Variants in ALK observed in about 807,000 individuals in gnomAD.
ALK encodes the protein ALK receptor tyrosine kinase, also known as ALK tyrosine kinase receptor.
In ALK, 74 loss-of-function variants were observed where a neutral mutation model predicts 163.1. That is an observed-to-expected ratio of 0.45 (90% CI 0.38 to 0.55). The LOEUF (loss-of-function observed/expected upper bound fraction) is 0.55. Ranked by LOEUF, ALK falls within the 20% of genes least tolerant of loss-of-function variation. The pLI is 0.00. For missense variants in ALK, 2,063 were observed against 2,105.3 expected (o/e 0.98, Z 0.39); for synonymous variants, 960 against 843.2 (o/e 1.14, Z -2.40).
intron 1 of ALK, among the ~76,000 whole-genome samples, chr2:29,773,966 G>A (rs977813325): frequency 1.3e-5 from 2 of 152,172 alleles, no homozygotes; most frequent in African/African-American, 4.8e-5. Flanking sequence ...ATTCAATGGA[G>A]AGCTAGTCTG....
At chr2:29,524,320 G>A (rs755436994) in intron 4 of ALK, among the ~76,000 whole-genome samples, 61 of 152,196 alleles carry the variant, frequency 4.0e-4, no homozygotes, top group Non-Finnish European at 7.3e-4. Context: ...AATTTCAGAG[G>A]AGTCCTCCTG....
At chr2:29,452,339 T>G (rs952927420) in intron 4 of ALK, among the ~76,000 whole-genome samples, 2 of 151,978 alleles carry the variant, frequency 1.3e-5, no homozygotes, top group East Asian at 3.9e-4. Flanking sequence ...TTTGTTTTTT[T>G]TTTTTTTTTT....
chr2:29,392,076 G>T (rs1239332916), intron 4 of ALK, among the ~76,000 whole-genome samples: 1 of 152,228 alleles, frequency 6.6e-6, no homozygotes, highest in East Asian at 1.9e-4. Context: ...CAGTGTGGCT[G>T]ATGATCTTAT....
intron 3 of ALK, among the ~76,000 whole-genome samples, chr2:29,679,762 C>T (rs1274510152): frequency 6.6e-6 from 1 of 151,784 alleles, no homozygotes. Flanking sequence ...TTTATATTAA[C>T]CCATATGTTT....
intron 1 of ALK, among the ~76,000 whole-genome samples, chr2:29,919,699 G>A (rs574089361): frequency 1.3e-5 from 2 of 152,266 alleles, no homozygotes; most frequent in African/African-American, 2.4e-5. Flanking sequence ...GAAGAGGGGC[G>A]CCCAATTTTG....
In ALK at chr2:29,232,349, T is replaced by C; in HGVS notation, c.2587A>G (p.Asn863Asp). The change falls in exon 15 of 29, where the codon AAT becomes GAT. Residue 863 changes from asparagine (N) to aspartate (D), a missense_variant. Coordinates refer to ENST00000389048, the MANE Select transcript of ALK (RefSeq NM_004304.5). ...TTTAGCCCTAGAACCGAGGAGTTAT[T>C]CTCCAGTCTCTCTGGGTGGAACGTG... ...TDTFHPERLENNSSVLGLNGN... is the reference protein window; with the variant it reads ...TDTFHPERLEDNSSVLGLNGN... 1 of 1,614,252 alleles carries C rather than the reference T, an allele frequency of 6.2e-7. No homozygotes were observed. Among genetic ancestry groups the C allele is most frequent in the Non-Finnish European group, 8.5e-7 (1 of 1,180,048 alleles).
chr2:29,831,223 GGAA>G lies in ALK; in HGVS notation c.667+88767_667+88769del, dbSNP rs1223030431. On this transcript the variant is annotated intron_variant, in intron 1 of 28. Transcript: ENST00000389048. ...GGGAAGGGGAAGAGGAAGAGGAAGA[GGAA>G]GAAGAAGAGGAAGAAGAAGAGGAAG... 7.7e-5 allele frequency among the ~76,000 whole-genome samples: 3 copies of G among 39,130 alleles called. 1 individual carries two copies. The highest frequency in any genetic ancestry group is 1.0e-4 in the Non-Finnish European group (2 of 19,472). 25.7% of individuals were successfully genotyped at this position (39,130 alleles called of 152,430 possible).
chr2:29,724,860 C>A (rs529514371), intron 1 of ALK, among the ~76,000 whole-genome samples: 26 of 152,246 alleles, frequency 1.7e-4, no homozygotes, highest in African/African-American at 6.0e-4. Flanking sequence ...AAGCCCCATC[C>A]CATCCTGCCA....
chr2:29,294,447 A>T (rs535716862), intron 9 of ALK, among the ~76,000 whole-genome samples: 1 of 152,352 alleles, frequency 6.6e-6, no homozygotes, highest in African/African-American at 2.4e-5. Flanking sequence ...TGTCATTATT[A>T]TACTATAGTT....
chr2:29,487,482 T>C (rs962669199), intron 4 of ALK, among the ~76,000 whole-genome samples: 12 of 152,204 alleles, frequency 7.9e-5, no homozygotes, highest in African/African-American at 2.7e-4. Context: ...AGGATTCTTT[T>C]TGAGTTGGTT....
At chr2:29,451,248 C>A (rs1288243521) in intron 4 of ALK, among the ~76,000 whole-genome samples, 1 of 152,146 alleles carries the variant, frequency 6.6e-6, no homozygotes, top group Admixed American at 6.5e-5. Context: ...ATTTCCCACC[C>A]TTTCTCTGCA....
At chr2:29,475,090 T>C (rs1260355181) in intron 4 of ALK, among the ~76,000 whole-genome samples, 1 of 152,036 alleles carries the variant, frequency 6.6e-6, no homozygotes, top group Non-Finnish European at 1.5e-5. Flanking sequence ...TCCCTATGAG[T>C]CTCTGAGCCC....
At chr2:29,425,235 T>G (rs926485817) in intron 4 of ALK, among the ~76,000 whole-genome samples, 1 of 152,214 alleles carries the variant, frequency 6.6e-6, no homozygotes, top group Non-Finnish European at 1.5e-5. Context: ...GACCATGACC[T>G]GCTCTCTCTT....
At chr2:29,720,092 G>A (rs540547192) in intron 1 of ALK, among the ~76,000 whole-genome samples, 32 of 152,056 alleles carry the variant, frequency 2.1e-4, no homozygotes, top group African/African-American at 7.5e-4. Flanking sequence ...CTTCTTCCTG[G>A]ATGTGAGGAA....
At chr2:29,533,416 G>A (rs1363292417) in intron 3 of ALK, among the ~76,000 whole-genome samples, 1 of 152,184 alleles carries the variant, frequency 6.6e-6, no homozygotes, top group Non-Finnish European at 1.5e-5. Flanking sequence ...TCCAGATAGG[G>A]AAATGACTTG....
In ALK at chr2:29,296,981, T is replaced by G; in HGVS notation, c.1724A>C (p.Lys575Thr). The G allele has an allele frequency of 1.9e-6, 3 of 1,614,240 alleles. No individual in the cohort carries two copies. Among genetic ancestry groups the G allele is most frequent in the Non-Finnish European group, 2.5e-6 (3 of 1,180,032 alleles). ...ATGCCAGACCATCCTGCCTTGCTCC[T>G]TCCCGGTTTTGTTCTCCACTAGCAC... ...SLVLVENKTG[K>T]EQGRMVWHVA... Residue 575 changes from lysine to threonine, a missense_variant, in exon 9 of 29, where the codon AAG (lysine) becomes ACG (threonine). This residue lies in a region of ALK where 987 missense variants were observed against 939.5 expected (regional missense o/e 1.05). Transcript: ENST00000389048.
chr2:29,545,106 A>T (rs1189829163), intron 3 of ALK, among the ~76,000 whole-genome samples: 2 of 152,054 alleles, frequency 1.3e-5, no homozygotes, highest in African/African-American at 4.8e-5. Context: ...CAGCACTCTC[A>T]CCACTCTGTG....
At position 29,713,777 on chromosome 2, in the gene ALK, T is replaced by C. The variant is rs144093515; in HGVS notation, c.787+3801A>G. Among the ~76,000 whole-genome samples, 786 of 152,048 alleles carry C rather than the reference T, an allele frequency of 5.2e-3. 4 individuals carry two copies. Among genetic ancestry groups the C allele is most frequent in the Middle Eastern group, 0.034 (10 of 294 alleles). ...AAAATATAAAATAATTTTCATCTAC[T>C]GCAATTTTATAATACAACTTAAATG... is the stretch of plus-strand genomic sequence containing the variant. On this transcript the variant is annotated intron_variant, in intron 2 of 28. Coordinates refer to ENST00000389048, the MANE Select transcript of ALK (RefSeq NM_004304.5).
In ALK at chr2:29,699,222, G is replaced by A. The variant is rs533723310; in HGVS notation, c.788-4208C>T. On this transcript the variant is annotated intron_variant, in intron 2 of 28. Coordinates refer to ENST00000389048, the MANE Select transcript of ALK (RefSeq NM_004304.5). Reference sequence around the variant, plus strand: ...GAGGCAGGTCCACACCCACCCAGGGGCAGGGGTGGGAAACTACCTTCCCTC... The same window carrying A: ...GAGGCAGGTCCACACCCACCCAGGGACAGGGGTGGGAAACTACCTTCCCTC... Among the ~76,000 whole-genome samples, 5 of 152,266 alleles carry A rather than the reference G, an allele frequency of 3.3e-5. No homozygotes were observed. In the East Asian group the frequency reaches 9.6e-4, roughly 29 times the overall value.
Sources: gnomAD v4.1 joint callset for allele counts (sites outside exome capture counted in the v4.1 genomes callset) on GRCh38, gnomAD v4.1.1 for gene constraint, gnomAD v4.1.1 regional missense constraint, MANE v1.5 for transcripts, NCBI Gene and HGNC (gene_info 2026-07-23, HGNC 2026-07-21) for gene names.